The following ANO4 variants were observed in gnomAD, a reference collection of about 807,000 sequenced individuals.
The protein encoded by ANO4 is anoctamin 4, also known as anoctamin-4.
In ANO4, 69 loss-of-function variants were observed where a neutral mutation model predicts 141.9. The observed-to-expected ratio is 0.49, with a 90% confidence interval of 0.40 to 0.59. The LOEUF (loss-of-function observed/expected upper bound fraction) is 0.59. Ranked by LOEUF, ANO4 falls within the 20% of genes least tolerant of loss-of-function variation. The probability of loss-of-function intolerance (pLI) is 0.00; values close to 1 mark genes in which losing one functional copy is unlikely to be tolerated. For missense variants in ANO4, 894 were observed against 1,162.2 expected, an observed-to-expected ratio of 0.77 and a Z score of 3.36; for synonymous variants, 350 against 394.3, an observed-to-expected ratio of 0.89 and a Z score of 1.33.
intron 17 of ANO4, among the ~76,000 whole-genome samples, chr12:101,091,951 A>C (rs1342663109): frequency 6.6e-6 from 1 of 152,134 alleles, no homozygotes; most frequent in African/African-American, 2.4e-5. Flanking sequence ...TTAGTAGTTC[A>C]CATTTTATTC....
At chr12:101,064,226 A>C (rs2048477788) in intron 14 of ANO4, among the ~76,000 whole-genome samples, 1 of 152,108 alleles carries the variant, frequency 6.6e-6, no homozygotes, top group East Asian at 1.9e-4. Flanking sequence ...TCAGTCCAAA[A>C]TATTTTCTAA....
chr12:101,116,042 G>C (rs745998917), intron 24 of ANO4, among the ~76,000 whole-genome samples: 3 of 152,204 alleles, frequency 2.0e-5, no homozygotes, highest in Non-Finnish European at 4.4e-5. Flanking sequence ...ACTACAGAGA[G>C]AGGGAAAGGA....
chr12:100,826,141 G>A (rs1211877014), intron 1 of ANO4, among the ~76,000 whole-genome samples: 1 of 151,884 alleles, frequency 6.6e-6, no homozygotes, highest in Non-Finnish European at 1.5e-5. Context: ...TAGATTAGTG[G>A]GAAAGGAGCA....
intron 9 of ANO4, among the ~76,000 whole-genome samples, chr12:101,033,561 CAT>C (rs1213902729): frequency 6.6e-6 from 1 of 152,014 alleles, no homozygotes; most frequent in Admixed American, 6.6e-5. Flanking sequence ...TAGGCAATAC[CAT>C]TCAGGACATA....
At chr12:100,862,851 C>T (rs182798200) in intron 1 of ANO4, among the ~76,000 whole-genome samples, 3 of 152,210 alleles carry the variant, frequency 2.0e-5, no homozygotes, top group East Asian at 3.9e-4. Flanking sequence ...TTGACTGAAA[C>T]GTCATTATGC....
rs141125107 is a variant in ANO4, at chr12:100,934,231, G to A, written c.161-5084G>A. Reference sequence around the variant, plus strand: ...TCTTCTAGGGTTTTTATGGTTTTAGGTCTAACATTTCAATCTTTAATCCAT... The same window carrying A: ...TCTTCTAGGGTTTTTATGGTTTTAGATCTAACATTTCAATCTTTAATCCAT... On this transcript the variant is annotated intron_variant, in intron 3 of 27. Transcript: ENST00000392977. 2.6e-4 allele frequency among the ~76,000 whole-genome samples: 40 copies of A among 152,248 alleles called. 1 individual carries two copies. In the East Asian group the frequency reaches 2.7e-3, roughly 10 times the overall value.
intron 9 of ANO4, 87 bp from the exon 10 acceptor site, chr12:101,037,008 C>T (rs1305090641): frequency 7.4e-7 from 1 of 1,354,348 alleles, no homozygotes; most frequent in Non-Finnish European, 1.0e-6. Context: ...ATTGTTTCCT[C>T]CAAAAAGCAC....
At chr12:101,113,172 C>A (rs2050726402) in intron 24 of ANO4, among the ~76,000 whole-genome samples, 1 of 152,194 alleles carries the variant, frequency 6.6e-6, no homozygotes, top group African/African-American at 2.4e-5. Context: ...TCGACTCACT[C>A]TCCATCCCGC....
intron 3 of ANO4, among the ~76,000 whole-genome samples, chr12:100,931,954 C>T (rs1213536184): frequency 6.6e-6 from 1 of 150,624 alleles, no homozygotes; most frequent in African/African-American, 2.4e-5. Flanking sequence ...GAGATATAAA[C>T]ATTTTTTGCA....
chr12:101,015,819 T>C (rs1263041834), intron 8 of ANO4, among the ~76,000 whole-genome samples: 1 of 152,038 alleles, frequency 6.6e-6, no homozygotes, highest in Non-Finnish European at 1.5e-5. Flanking sequence ...TTTGCCAGAG[T>C]TGCTTAGCTT....
intron 2 of ANO4, among the ~76,000 whole-genome samples, chr12:100,920,005 A>G (rs767579057): frequency 5.3e-5 from 8 of 152,172 alleles, no homozygotes; most frequent in East Asian, 1.9e-4. Context: ...GTTATCTAGT[A>G]GTCATAGCTA....
At chr12:101,004,148 GT>G (rs1366177929) in intron 8 of ANO4, among the ~76,000 whole-genome samples, 1 of 52,932 alleles carries the variant, frequency 1.9e-5, no homozygotes, top group Non-Finnish European at 3.4e-5. Flanking sequence ...AAAGGATACT[GT>G]GGGGGAAGTG....
intron 1 of ANO4, among the ~76,000 whole-genome samples, chr12:100,827,406 T>G (rs1023521457): frequency 1.3e-5 from 2 of 152,066 alleles, no homozygotes; most frequent in Non-Finnish European, 2.9e-5. Context: ...CTATTTAAAC[T>G]TGTTAAAAAG....
At chr12:100,733,751 C>T (rs764666452) in intron 1 of ANO4, 1 of 695,944 alleles carries the variant, frequency 1.4e-6, no homozygotes, top group South Asian at 1.5e-5. Flanking sequence ...AATTAACCTT[C>T]TTGTCTTTTA....
chr12:100,911,709 C>T (rs1207185347), intron 2 of ANO4, among the ~76,000 whole-genome samples: 1 of 152,086 alleles, frequency 6.6e-6, no homozygotes, highest in Non-Finnish European at 1.5e-5. Context: ...CTGTTTCTCC[C>T]TTTAAAGAGC....
At chr12:100,760,988 C>T (rs1419018612) in intron 3 of ANO4, among the ~76,000 whole-genome samples, 1 of 152,156 alleles carries the variant, frequency 6.6e-6, no homozygotes, top group Non-Finnish European at 1.5e-5. Flanking sequence ...TTAACTTTCT[C>T]CCTTCTTCTT....
chr12:100,998,901 T>A (rs1054947298), intron 8 of ANO4, among the ~76,000 whole-genome samples: 4 of 152,220 alleles, frequency 2.6e-5, no homozygotes, highest in Non-Finnish European at 4.4e-5. Flanking sequence ...GGGTTCCAAG[T>A]ACTTCACGGT....
At chr12:101,055,920 G>A (rs537245031) in intron 14 of ANO4, among the ~76,000 whole-genome samples, 5 of 152,068 alleles carry the variant, frequency 3.3e-5, no homozygotes, top group Admixed American at 6.5e-5. Context: ...CAAAAACGCC[G>A]TTCTTTTCCT....
chr12:100,719,410 A>G (rs879929189), intron 1 of ANO4, among the ~76,000 whole-genome samples: 23 of 152,216 alleles, frequency 1.5e-4, no homozygotes, highest in African/African-American at 5.3e-4. Context: ...CCCACTGGAT[A>G]CTATTGAGAT....
Sources: gnomAD v4.1 joint callset for allele counts (sites outside exome capture counted in the v4.1 genomes callset) on GRCh38, gnomAD v4.1.1 for gene constraint, MANE v1.5 for transcripts, NCBI Gene and HGNC (gene_info 2026-07-23, HGNC 2026-07-21) for gene names.